STAB2: variants seen among roughly 807,000 people sequenced by gnomAD.
STAB2 encodes stabilin 2.
In STAB2, 288 loss-of-function variants were observed where a neutral mutation model predicts 338.1. The ratio of observed to expected loss-of-function variants is 0.85; its 90% CI spans 0.77 to 0.94. STAB2 has a LOEUF of 0.94. STAB2 is among the 40% of genes least tolerant of loss of function. STAB2 has a pLI of 0.00. For missense variants in STAB2, 3,141 were observed against 3,210.1 expected, an observed-to-expected ratio of 0.98 and a Z score of 0.52; for synonymous variants, 1,202 against 1,193.3, an observed-to-expected ratio of 1.01 and a Z score of -0.15.
intron 30 of STAB2, among the ~76,000 whole-genome samples, chr12:103,691,985 T>C (rs1236833639): frequency 1.3e-5 from 2 of 152,324 alleles, no homozygotes; most frequent in East Asian, 3.9e-4. Context: ...GTAGTTGGAT[T>C]CTGATCAGGA....
At chr12:103,710,585 G>T (rs2138998260) in intron 39 of STAB2, among the ~76,000 whole-genome samples, 1 of 152,328 alleles carries the variant, frequency 6.6e-6, no homozygotes, top group African/African-American at 2.4e-5. Context: ...AAGGTTTAGA[G>T]CAGGTTCCAG....
intron 18 of STAB2, among the ~76,000 whole-genome samples, 196 bp downstream of exon 18, chr12:103,663,194 G>A (rs967746522): frequency 2.0e-5 from 3 of 152,136 alleles, no homozygotes; most frequent in African/African-American, 7.2e-5. Flanking sequence ...CAGTTCCTTG[G>A]GGAATTTCCG....
At chr12:103,672,445 T>A (rs890340465) in intron 22 of STAB2, among the ~76,000 whole-genome samples, 3 of 152,196 alleles carry the variant, frequency 2.0e-5, no homozygotes, top group Non-Finnish European at 4.4e-5. Flanking sequence ...CTGTGCACAG[T>A]CTCATACAGG....
intron 25 of STAB2, among the ~76,000 whole-genome samples, chr12:103,677,930 C>T (rs773223035): frequency 6.6e-6 from 1 of 152,202 alleles, no homozygotes; most frequent in Non-Finnish European, 1.5e-5. Context: ...TTCTATAGCT[C>T]TGCAGTGTAT....
chr12:103,617,030 T>C (rs948164299), intron 3 of STAB2, among the ~76,000 whole-genome samples: 4 of 152,202 alleles, frequency 2.6e-5, no homozygotes, highest in Admixed American at 1.3e-4. Flanking sequence ...ACAAGGCCCT[T>C]TCTTCATGAT....
At chr12:103,714,714 TG>T (rs1408881378) in intron 42 of STAB2, among the ~76,000 whole-genome samples, 1 of 151,814 alleles carries the variant, frequency 6.6e-6, no homozygotes, top group African/African-American at 2.4e-5. Flanking sequence ...CATTTAGCCC[TG>T]TTTATCATTT....
At chr12:103,591,553 T>C (rs1593115984) in intron 2 of STAB2, among the ~76,000 whole-genome samples, 1 of 152,218 alleles carries the variant, frequency 6.6e-6, no homozygotes, top group East Asian at 1.9e-4. Flanking sequence ...GTATTGCACA[T>C]AAACATTCTC....
intron 51 of STAB2, among the ~76,000 whole-genome samples, chr12:103,735,158 T>G (rs1360874581): frequency 6.6e-6 from 1 of 152,124 alleles, no homozygotes; most frequent in Non-Finnish European, 1.5e-5. Context: ...AACTGCATCC[T>G]ATGTCATTTC....
intron 63 of STAB2, among the ~76,000 whole-genome samples, chr12:103,757,746 C>T (rs1188751763): frequency 6.6e-6 from 1 of 152,206 alleles, no homozygotes; most frequent in Admixed American, 6.5e-5. Flanking sequence ...CCCCATATGG[C>T]TGGAACAGAG....
Position 103,594,437 on chromosome 12 carries a change from A to T in STAB2, c.258A>T (p.Gly86=), listed in dbSNP as rs1956845916. 1 of 1,613,776 alleles carries T rather than the reference A, an allele frequency of 6.2e-7. No individual in the cohort carries two copies. The highest frequency in any genetic ancestry group is 1.7e-5 in the Admixed American group (1 of 59,986). Residue 86 remains glycine, a synonymous_variant, in exon 3 of 69, where the codon GGA becomes GGT. Transcript: ENST00000388887. ...GAACATACTCTCTGTCTCTCCCCGGATGCCGCCATATTTGTAGGAAGGACT... is the reference window on the plus strand; with the variant it reads ...GAACATACTCTCTGTCTCTCCCCGGTTGCCGCCATATTTGTAGGAAGGACT... ...EVRTYSLSLP[G]CRHICRKDYL... is the part of the protein sequence containing the mutation.
Position 103,765,224 on chromosome 12 carries a change from T to G in STAB2, c.7606-1062T>G, listed in dbSNP as rs1182073677. On this transcript the variant is annotated intron_variant, in intron 68 of 68. Coordinates refer to ENST00000388887, the MANE Select transcript of STAB2 (RefSeq NM_017564.10). ...CATACATCCTCTCCAATGCACCCCA[T>G]GCCTTCCCTGTTGTCTGTCCCCTTC... Among the ~76,000 whole-genome samples the G allele has an allele frequency of 3.3e-5, 5 of 151,982 alleles. No individual in the cohort carries two copies. The South Asian group carries it at 1.0e-3, about 31-fold the overall frequency.
At chr12:103,593,550 A>G (rs1956831048) in intron 2 of STAB2, among the ~76,000 whole-genome samples, 1 of 152,210 alleles carries the variant, frequency 6.6e-6, no homozygotes, top group Admixed American at 6.5e-5. Flanking sequence ...TGTCCCTGCC[A>G]GTATTCTCAA....
At chr12:103,745,304 G>T in intron 57 of STAB2, 27 bp downstream of exon 57, 1 of 1,600,948 alleles carries the variant, frequency 6.2e-7, no homozygotes, top group South Asian at 1.1e-5. Context: ...GTCAGCTGCT[G>T]GCAGCCCAGG....
At chr12:103,611,442 A>G (rs1358919613) in intron 3 of STAB2, among the ~76,000 whole-genome samples, 1 of 152,140 alleles carries the variant, frequency 6.6e-6, no homozygotes, top group African/African-American at 2.4e-5. Context: ...CCATTATGTA[A>G]TGGCCTTCTT....
rs781306682 is a variant in STAB2, at chr12:103,690,429, A to G, written c.3188A>G (p.His1063Arg). The change falls in exon 30 of 69, where the codon CAT becomes CGT. Residue 1063 changes from histidine to arginine, a missense_variant. Transcript: ENST00000388887. ...QSNIPALIKY[H>R]MLLGTYRVAD... ...TTTGTGGACTATTGTTTCAGGTACC[A>G]TATGCTACTAGGCACATACAGAGTG... 20 of 1,612,690 alleles carry G rather than the reference A, an allele frequency of 1.2e-5. No homozygotes were observed. In the Middle Eastern group the frequency reaches 5.0e-4, roughly 40 times the overall value.
intron 43 of STAB2, 65 bp from the exon 44 acceptor site, chr12:103,717,705 C>G (rs948954719): frequency 3.4e-6 from 5 of 1,450,826 alleles, no homozygotes; most frequent in Non-Finnish European, 3.9e-6. Flanking sequence ...GTCTGAGAGC[C>G]AGACCATGCG....
At chr12:103,622,508 T>TA (rs1957318086) in intron 5 of STAB2, among the ~76,000 whole-genome samples, 1 of 152,218 alleles carries the variant, frequency 6.6e-6, no homozygotes, top group Admixed American at 6.5e-5. Context: ...CAGCTATTGT[T>TA]ACAGGTGCAT....
chr12:103,595,411 T>A (rs1017704358), intron 3 of STAB2, among the ~76,000 whole-genome samples: 1 of 152,140 alleles, frequency 6.6e-6, no homozygotes, highest in Non-Finnish European at 1.5e-5. Flanking sequence ...TACAAAGGTA[T>A]AAAGAAAGAA....
intron 6 of STAB2, among the ~76,000 whole-genome samples, chr12:103,632,283 C>T (rs1172503050): frequency 6.6e-6 from 1 of 152,178 alleles, no homozygotes; most frequent in Non-Finnish European, 1.5e-5. Flanking sequence ...AATTAGTACG[C>T]TATGATAGGA....
Sources: allele counts gnomAD v4.1 joint callset (sites outside exome capture counted in the v4.1 genomes callset), GRCh38; gene constraint gnomAD v4.1.1; transcripts MANE v1.5; gene names NCBI Gene and HGNC (gene_info 2026-07-23, HGNC 2026-07-21).